Variants in CYBRD1 observed in about 807,000 individuals in gnomAD.
The protein encoded by CYBRD1 is cytochrome b reductase 1.
A neutral mutation model predicts 21.9 loss-of-function variants in CYBRD1; 14 were observed. The observed-to-expected ratio is 0.64, with a 90% CI of 0.42 to 1.00. CYBRD1 has a LOEUF of 1.00. Among genes scored for constraint, CYBRD1 ranks in the 50% least tolerant of loss-of-function variants. The probability of loss-of-function intolerance (pLI) is 0.00; values close to 1 mark genes in which losing one functional copy is unlikely to be tolerated. For synonymous variants in CYBRD1, 146 were observed against 136.5 expected (o/e 1.07, Z -0.48); for missense variants, 328 against 352.5 (o/e 0.93, Z 0.56).
intron 1 of CYBRD1, among the ~76,000 whole-genome samples, chr2:171,533,534 A>T (rs1286026685): frequency 6.6e-6 from 1 of 152,170 alleles, no homozygotes; most frequent in East Asian, 1.9e-4. Context: ...GTTTGGGGAC[A>T]TTTCTCTCCC....
At position 171,554,976 on chromosome 2, in the gene CYBRD1, A is replaced by G; in HGVS notation, c.*149A>G. 1 of 837,756 alleles carries G rather than the reference A, an allele frequency of 1.2e-6. No individual in the cohort carries two copies. Among genetic ancestry groups the G allele is most frequent in the Non-Finnish European group, 1.9e-6 (1 of 523,836 alleles). The allele number at this position is 837,756 out of a possible 1,614,324, so 51.9% of individuals were successfully genotyped here. ...TGGTTTCTTGAAATAATTTGTATTG[A>G]TTGAGGCCTATGAACTGACCTGAAT... On this transcript the variant is annotated 3_prime_UTR_variant, in exon 4 of 4. Transcript: ENST00000321348.
intron 1 of CYBRD1, among the ~76,000 whole-genome samples, chr2:171,531,040 C>A (rs1697457700): frequency 6.6e-6 from 1 of 151,004 alleles, no homozygotes; most frequent in South Asian, 2.1e-4. Context: ...TGGTAAGTCC[C>A]AGCTACTCAG....
chr2:171,525,097 C>G (rs931747384), intron 1 of CYBRD1, among the ~76,000 whole-genome samples: 1 of 152,122 alleles, frequency 6.6e-6, no homozygotes, highest in Admixed American at 6.5e-5. Flanking sequence ...ACCACCACGC[C>G]CAGCTAATTT....
At chr2:171,551,550 T>C (rs1683375784) in intron 2 of CYBRD1, among the ~76,000 whole-genome samples, 1 of 152,228 alleles carries the variant, frequency 6.6e-6, no homozygotes, top group South Asian at 2.1e-4. Context: ...TTGATCTATG[T>C]AAATTTTAGA....
In CYBRD1 at chr2:171,557,563, C is replaced by T. The variant is rs1322414516; in HGVS notation, c.*2736C>T. 6.6e-6 allele frequency: 1 copy of T among 152,210 alleles called. No homozygotes were observed. Among genetic ancestry groups the T allele is most frequent in the Non-Finnish European group, 1.5e-5 (1 of 68,042 alleles). The allele number at this position is 152,210 out of a possible 1,614,324, so 9.4% of individuals were successfully genotyped here. ...CTGCTTGTGTCAAATGGAACCTGCC[C>T]TCTAAAGCACTTTCTTTCCTTTACT... On this transcript the variant is annotated 3_prime_UTR_variant, in exon 4 of 4. Coordinates refer to ENST00000321348, the MANE Select transcript of CYBRD1 (RefSeq NM_024843.4).
rs2105351017 is a variant in CYBRD1, at chr2:171,557,835, G to A, written c.*3008G>A. Reference sequence around the variant, plus strand: ...CACAAAGACAGAAGTAAAGCTTTATGCTAATTTTATTTCAATATGATAGAA... The same window carrying A: ...CACAAAGACAGAAGTAAAGCTTTATACTAATTTTATTTCAATATGATAGAA... On this transcript the variant is annotated 3_prime_UTR_variant, in exon 4 of 4. Coordinates refer to ENST00000321348, the MANE Select transcript of CYBRD1 (RefSeq NM_024843.4). The A allele has an allele frequency of 6.6e-6, 1 of 152,238 alleles. No individual in the cohort carries two copies. The highest frequency in any genetic ancestry group is 2.4e-5 in the African/African-American group (1 of 41,534). 9.4% of individuals were successfully genotyped at this position (152,238 alleles called of 1,614,324 possible).
chr2:171,527,539 C>G (rs945515002), intron 1 of CYBRD1, among the ~76,000 whole-genome samples: 1 of 152,178 alleles, frequency 6.6e-6, no homozygotes, highest in Non-Finnish European at 1.5e-5. Context: ...TCCTGTTCAG[C>G]CAGTTTAAAA....
At chr2:171,530,509 G>A (rs1697449969) in intron 1 of CYBRD1, among the ~76,000 whole-genome samples, 1 of 152,162 alleles carries the variant, frequency 6.6e-6, no homozygotes, top group Non-Finnish European at 1.5e-5. Flanking sequence ...TCCTCATGCA[G>A]CAGAGTATAG....
chr2:171,544,964 C>T (rs1333487466), intron 2 of CYBRD1, among the ~76,000 whole-genome samples: 1 of 151,860 alleles, frequency 6.6e-6, no homozygotes, highest in Non-Finnish European at 1.5e-5. Flanking sequence ...CATGGCAAAA[C>T]CCCGTCTGTA....
At chr2:171,522,419 C>T, upstream of CYBRD1, 2 of 1,509,972 alleles carry the variant, frequency 1.3e-6, no homozygotes, top group Non-Finnish European at 1.8e-6. The surrounding 1 kb of genome is among the most constrained non-coding windows in gnomAD (Gnocchi z 4.3). Context: ...CCAGAAAGTC[C>T]CTCCCCGCAG....
intron 2 of CYBRD1, among the ~76,000 whole-genome samples, chr2:171,545,138 C>CAAAAAAA: frequency 1.5e-5 from 1 of 68,822 alleles, no homozygotes. Flanking sequence ...GACCCTGTCT[C>CAAAAAAA]AAAAAAAAAA....
At chr2:171,531,300 C>T (rs1401917231) in intron 1 of CYBRD1, among the ~76,000 whole-genome samples, 3 of 152,070 alleles carry the variant, frequency 2.0e-5, no homozygotes, top group Admixed American at 6.6e-5. Context: ...GTTGTTCATT[C>T]AATTTCTTCA....
intron 1 of CYBRD1, among the ~76,000 whole-genome samples, chr2:171,530,583 A>G (rs537351311): frequency 6.6e-6 from 1 of 152,320 alleles, no homozygotes; most frequent in Non-Finnish European, 1.5e-5. Flanking sequence ...CTGGCAAAAC[A>G]GGAAGCTTCC....
At chr2:171,529,471 C>T (rs187393036) in intron 1 of CYBRD1, among the ~76,000 whole-genome samples, 3 of 127,478 alleles carry the variant, frequency 2.4e-5, no homozygotes, top group East Asian at 2.6e-4. Context: ...ACAGAGGTTG[C>T]GGTGAGCTGA....
chr2:171,551,375 C>T lies in CYBRD1; in HGVS notation c.403-1971C>T, dbSNP rs79572433. Reference sequence around the variant, plus strand: ...AACCACCAAGAGGGAACCCTCTGAACCATTTCTAATATATTCAGGCATTTT... The same window carrying T: ...AACCACCAAGAGGGAACCCTCTGAATCATTTCTAATATATTCAGGCATTTT... On this transcript the variant is annotated intron_variant, in intron 2 of 3. Transcript: ENST00000321348. Among the ~76,000 whole-genome samples the T allele has an allele frequency of 5.8e-3, 881 of 151,420 alleles. 41 individuals are homozygous for T. The East Asian group carries it at 0.14, about 23-fold the overall frequency.
intron 1 of CYBRD1, among the ~76,000 whole-genome samples, chr2:171,534,429 G>A (rs1697517285): frequency 6.6e-6 from 1 of 152,206 alleles, no homozygotes. Flanking sequence ...TAACTGTTGA[G>A]AATAGATTCT....
At chr2:171,535,875 A>G (rs958620102) in intron 1 of CYBRD1, among the ~76,000 whole-genome samples, 1 of 152,156 alleles carries the variant, frequency 6.6e-6, no homozygotes, top group Non-Finnish European at 1.5e-5. Context: ...CCTGGGCTCA[A>G]GCAGTCTACC....
chr2:171,547,580 A>G (rs1360713936), intron 2 of CYBRD1, among the ~76,000 whole-genome samples: 1 of 152,176 alleles, frequency 6.6e-6, no homozygotes, highest in South Asian at 2.1e-4. Context: ...CTTGGGAAGC[A>G]GGTCACAGAG....
At chr2:171,553,319 A>T in intron 2 of CYBRD1, 27 bp from the exon 3 acceptor site, 1 of 1,612,288 alleles carries the variant, frequency 6.2e-7, no homozygotes, top group East Asian at 2.2e-5. Flanking sequence ...AAATTAAATG[A>T]TAACCTTTGC....
Sources: gnomAD v4.1 joint callset for allele counts (sites outside exome capture counted in the v4.1 genomes callset) on GRCh38, gnomAD v4.1.1 for gene constraint, Gnocchi (gnomAD v3.1) non-coding constraint, MANE v1.5 for transcripts, NCBI Gene and HGNC (gene_info 2026-07-23, HGNC 2026-07-21) for gene names.